UBN2: variants seen among roughly 807,000 people sequenced by gnomAD.
The protein encoded by UBN2 is ubinuclein 2, also known as ubinuclein-2.
Under a neutral mutation model 120.2 loss-of-function variants are expected in UBN2, and 35 were observed. That is an observed-to-expected ratio of 0.29 (90% CI 0.22 to 0.39). The LOEUF (loss-of-function observed/expected upper bound fraction) is 0.39. Ranked by LOEUF, UBN2 falls within the 10% of genes least tolerant of loss-of-function variation. The pLI is 1.00. For missense variants in UBN2, 1,693 were observed against 1,663.2 expected (o/e 1.02, Z -0.31); for synonymous variants, 661 against 648.7 (o/e 1.02, Z -0.29).
intron 3 of UBN2, among the ~76,000 whole-genome samples, chr7:139,253,643 G>A (rs958954352): frequency 6.6e-6 from 1 of 152,098 alleles, no homozygotes; most frequent in African/African-American, 2.4e-5. Flanking sequence ...TCTTACAAAA[G>A]GAAAAGGAAT....
intron 2 of UBN2, among the ~76,000 whole-genome samples, chr7:139,246,780 G>A (rs577389960): frequency 6.6e-6 from 1 of 152,208 alleles, no homozygotes; most frequent in South Asian, 2.1e-4. Context: ...ATGTTTGTTT[G>A]TTGGCCTTTT....
At chr7:139,262,807 A>C (rs1796979590) in intron 6 of UBN2, among the ~76,000 whole-genome samples, 1 of 152,038 alleles carries the variant, frequency 6.6e-6, no homozygotes, top group African/African-American at 2.4e-5. Context: ...AGCGGGATTC[A>C]CCTGACTCCA....
chr7:139,297,158 C>CA (rs1349521315), intron 17 of UBN2, among the ~76,000 whole-genome samples: 2 of 149,328 alleles, frequency 1.3e-5, no homozygotes, highest in Non-Finnish European at 3.0e-5. Flanking sequence ...CGCGCCATTG[C>CA]ACTCCAGCCT....
At chr7:139,253,142 A>G (rs1256387171) in intron 3 of UBN2, among the ~76,000 whole-genome samples, 1 of 152,134 alleles carries the variant, frequency 6.6e-6, no homozygotes, top group Admixed American at 6.6e-5. Flanking sequence ...GCTAGTGAAT[A>G]TACCTAAATT....
chr7:139,251,896 T>C (rs2130960084), intron 2 of UBN2, 60 bp from the exon 3 acceptor site: 1 of 1,534,400 alleles, frequency 6.5e-7, no homozygotes, highest in East Asian at 2.3e-5. Flanking sequence ...AACAGGTCTT[T>C]TTAAACTTTA....
In UBN2 at chr7:139,298,067, A is replaced by G. The variant is rs866353248; in HGVS notation, c.*231A>G. The G allele has an allele frequency of 8.3e-6, 4 of 482,734 alleles. No homozygotes were observed. Among genetic ancestry groups the G allele is most frequent in the Admixed American group, 3.5e-5 (1 of 28,578 alleles). The allele number at this position is 482,734 out of a possible 1,614,324, so 29.9% of individuals were successfully genotyped here. A position where few individuals can be genotyped will look rare whatever the true frequency, so the allele number is the denominator to read the frequency against. ...AGTGACCTTTGGTCTCTTCTAAAGAATGACAGAGTTACCGTATTAACAGAC... is the reference window on the plus strand; with the variant it reads ...AGTGACCTTTGGTCTCTTCTAAAGAGTGACAGAGTTACCGTATTAACAGAC... On this transcript the variant is annotated 3_prime_UTR_variant, in exon 18 of 18. Coordinates refer to ENST00000473989, the MANE Select transcript of UBN2 (RefSeq NM_173569.4).
intron 6 of UBN2, among the ~76,000 whole-genome samples, chr7:139,261,948 C>CT (rs72000087): frequency 0.028 from 3,667 of 131,942 alleles, 64 homozygotes; most frequent in African/African-American, 0.045. Flanking sequence ...TTCTTTCTTT[C>CT]TTTTTTTTTT....
Position 139,284,478 on chromosome 7 carries a change from A to T in UBN2, c.3573A>T (p.Gly1191=). The T allele has an allele frequency of 6.2e-7, 1 of 1,614,172 alleles. No homozygotes were observed. The highest frequency in any genetic ancestry group is 1.6e-4 in the Middle Eastern group (1 of 6,062). Residue 1191 remains glycine, a synonymous_variant, in exon 15 of 18, where the codon GGA becomes GGT. Coordinates refer to ENST00000473989, the MANE Select transcript of UBN2 (RefSeq NM_173569.4). ...SGANRTSLSG[G]TGSGTQGATK... ...CTAATAGGACTAGTCTGTCTGGGGG[A>T]ACAGGAAGTGGAACACAGGGTGCTA...
chr7:139,237,799 T>G (rs1181752428), intron 2 of UBN2, among the ~76,000 whole-genome samples: 2 of 152,178 alleles, frequency 1.3e-5, no homozygotes, highest in Non-Finnish European at 2.9e-5. Context: ...GCTATTTTAA[T>G]TCCTTTGGTA....
chr7:139,261,825 A>ATAACACTGGTATAATTGCTTTTG, intron 6 of UBN2, 84 bp downstream of exon 6: 1 of 1,361,826 alleles, frequency 7.3e-7, no homozygotes, highest in East Asian at 2.4e-5. Flanking sequence ...TATTTTCCAC[A>ATAACACTGGTATAATTGCTTTTG]TAACACTGGT....
the UBN2 span, among the ~76,000 whole-genome samples, chr7:139,315,888 C>T: frequency 6.6e-6 from 1 of 151,806 alleles, no homozygotes; most frequent in Non-Finnish European, 1.5e-5. Flanking sequence ...ACCAGCCTGG[C>T]CAACATGGTG....
chr7:139,279,293 G>A (rs772584912), intron 12 of UBN2, 25 bp from the exon 13 acceptor site: 30 of 1,595,062 alleles, frequency 1.9e-5, no homozygotes, highest in Middle Eastern at 3.4e-4. Flanking sequence ...TACTGAAATA[G>A]CCTTTTAAAA....
At chr7:139,247,259 T>A (rs1199983216) in intron 2 of UBN2, among the ~76,000 whole-genome samples, 2 of 152,186 alleles carry the variant, frequency 1.3e-5, no homozygotes, top group African/African-American at 4.8e-5. Context: ...ATGTCCATGT[T>A]AGCATTTGAT....
the UBN2 span, among the ~76,000 whole-genome samples, chr7:139,321,915 G>GT: frequency 6.6e-6 from 1 of 152,082 alleles, no homozygotes; most frequent in Non-Finnish European, 1.5e-5. Flanking sequence ...AGGAGAGAGG[G>GT]TTTCAAGTCA....
chr7:139,306,421 TATTCTC>T lies in UBN2; in HGVS notation c.*8587_*8592del, dbSNP rs765778189. 3 of 152,334 alleles carry T rather than the reference TATTCTC, an allele frequency of 2.0e-5. No individual in the cohort carries two copies. Among genetic ancestry groups the T allele is most frequent in the South Asian group, 2.1e-4 (1 of 4,830 alleles). 9.4% of individuals were successfully genotyped at this position (152,334 alleles called of 1,614,324 possible). ...TTGTCTAGAGGAATTAAAAAGAACT[TATTCTC>T]AGTTGACAAAAGTATTACTGTTATA... On this transcript the variant is annotated 3_prime_UTR_variant, in exon 18 of 18. Coordinates refer to ENST00000473989, the MANE Select transcript of UBN2 (RefSeq NM_173569.4).
intron 1 of UBN2, among the ~76,000 whole-genome samples, chr7:139,236,086 G>T (rs1294977819): frequency 1.3e-5 from 2 of 151,966 alleles, no homozygotes; most frequent in East Asian, 1.9e-4. Flanking sequence ...CCTTGTTTTG[G>T]TTTTTTTGTG....
the UBN2 span, among the ~76,000 whole-genome samples, chr7:139,319,825 A>C: frequency 1.4e-3 from 215 of 151,992 alleles, 1 homozygote; most frequent in Middle Eastern, 3.4e-3. Context: ...GCCTGTAATC[A>C]CAGCACTTTG....
the UBN2 span, among the ~76,000 whole-genome samples, chr7:139,324,225 C>G: frequency 8.6e-4 from 131 of 152,150 alleles, no homozygotes; most frequent in Non-Finnish European, 1.7e-3. Context: ...TAATGGGTCT[C>G]TTTAAGTTAA....
intron 2 of UBN2, among the ~76,000 whole-genome samples, chr7:139,248,977 G>A (rs886798992): frequency 6.6e-6 from 1 of 151,616 alleles, no homozygotes; most frequent in Non-Finnish European, 1.5e-5. Context: ...TATGTTGTAT[G>A]TATATATGTG....
Sources: gnomAD v4.1 joint callset for allele counts (sites outside exome capture counted in the v4.1 genomes callset) on GRCh38, gnomAD v4.1.1 for gene constraint, MANE v1.5 for transcripts, NCBI Gene and HGNC (gene_info 2026-07-23, HGNC 2026-07-21) for gene names.